Variants in SLC39A11 observed in about 807,000 individuals in gnomAD.
SLC39A11 encodes zinc transporter ZIP11.
In SLC39A11, 33 loss-of-function variants were observed where a neutral mutation model predicts 36.1. The ratio of observed to expected loss-of-function variants is 0.91; its 90% CI spans 0.69 to 1.22. SLC39A11 has a LOEUF of 1.22. SLC39A11 is among the 50% of genes most tolerant of loss of function. The pLI, the probability that SLC39A11 is intolerant of heterozygous loss-of-function variation, is 0.00. For missense variants in SLC39A11, 432 were observed against 430.3 expected, an observed-to-expected ratio of 1.00 and a Z score of -0.03; for synonymous variants, 166 against 170.3, an observed-to-expected ratio of 0.97 and a Z score of 0.20.
intron 5 of SLC39A11, among the ~76,000 whole-genome samples, chr17:72,875,332 A>T (rs1300607211): frequency 6.6e-6 from 1 of 152,204 alleles, no homozygotes; most frequent in Non-Finnish European, 1.5e-5. Context: ...AGCATTTTTC[A>T]TGTCCCCAAG....
intron 4 of SLC39A11, among the ~76,000 whole-genome samples, chr17:72,988,065 T>C (rs946451501): frequency 3.3e-5 from 5 of 152,212 alleles, no homozygotes; most frequent in African/African-American, 9.6e-5. Flanking sequence ...AGCCATGCAG[T>C]GTGAAATAAG....
intron 5 of SLC39A11, among the ~76,000 whole-genome samples, chr17:72,894,178 A>G (rs1447828170): frequency 6.6e-6 from 1 of 151,898 alleles, no homozygotes; most frequent in Admixed American, 6.6e-5. Flanking sequence ...CCTGACCAAC[A>G]TGGTGAAACC....
At chr17:72,661,939 G>A (rs551733584) in intron 7 of SLC39A11, among the ~76,000 whole-genome samples, 22 of 152,220 alleles carry the variant, frequency 1.4e-4, no homozygotes, top group African/African-American at 4.3e-4. Context: ...TAGACAAACC[G>A]CCCACATTTC....
chr17:72,934,597 C>T (rs1033729303), intron 5 of SLC39A11, among the ~76,000 whole-genome samples: 3 of 152,068 alleles, frequency 2.0e-5, no homozygotes, highest in African/African-American at 4.8e-5. Context: ...ACCTGGGACG[C>T]GGAGGTTGCT....
At chr17:73,066,849 C>A (rs186421057) in intron 3 of SLC39A11, among the ~76,000 whole-genome samples, 9 of 152,370 alleles carry the variant, frequency 5.9e-5, no homozygotes, top group African/African-American at 2.2e-4. Context: ...TAGACCAATA[C>A]ATTTTATTTC....
At chr17:72,774,054 G>C (rs1344961606) in intron 6 of SLC39A11, among the ~76,000 whole-genome samples, 2 of 152,166 alleles carry the variant, frequency 1.3e-5, no homozygotes, top group African/African-American at 4.8e-5. Context: ...CCAATTAACT[G>C]CCCTGGGCCT....
intron 4 of SLC39A11, among the ~76,000 whole-genome samples, chr17:72,966,172 C>G (rs1419094639): frequency 1.3e-5 from 2 of 152,188 alleles, no homozygotes; most frequent in Non-Finnish European, 2.9e-5. Context: ...GGCTGGCACC[C>G]CTGCTGGCCT....
intron 3 of SLC39A11, among the ~76,000 whole-genome samples, chr17:73,071,985 A>G (rs943882545): frequency 2.6e-5 from 4 of 152,202 alleles, no homozygotes; most frequent in Non-Finnish European, 2.9e-5. Flanking sequence ...AGAACGAATG[A>G]ATAAAAAATG....
intron 3 of SLC39A11, among the ~76,000 whole-genome samples, chr17:73,056,645 C>A (rs1437273373): frequency 6.6e-6 from 1 of 152,136 alleles, no homozygotes; most frequent in Non-Finnish European, 1.5e-5. Flanking sequence ...GCCTCAGGTG[C>A]CTGCCTGGGT....
chr17:72,899,818 C>T (rs112184545), intron 5 of SLC39A11, among the ~76,000 whole-genome samples: 5,052 of 151,922 alleles, frequency 0.033, 286 homozygotes, highest in African/African-American at 0.12. Flanking sequence ...AAAAGTTAGC[C>T]GGGCGTGGGG....
chr17:72,988,684 T>C (rs915708866), intron 4 of SLC39A11, among the ~76,000 whole-genome samples: 2 of 152,104 alleles, frequency 1.3e-5, no homozygotes, highest in African/African-American at 4.8e-5. Context: ...TTTCTATGAA[T>C]TGTGTTACTT....
intron 7 of SLC39A11, among the ~76,000 whole-genome samples, chr17:72,692,320 C>T (rs2072072546): frequency 1.3e-5 from 2 of 152,298 alleles, no homozygotes; most frequent in South Asian, 4.1e-4. Flanking sequence ...CAAAATAGCG[C>T]ATTTTTATTA....
intron 2 of SLC39A11, among the ~76,000 whole-genome samples, chr17:73,087,288 C>T (rs946540987): frequency 6.6e-6 from 1 of 152,068 alleles, no homozygotes; most frequent in South Asian, 2.1e-4. Flanking sequence ...GGCAGTGCAG[C>T]GCAGCAAGGG....
intron 5 of SLC39A11, among the ~76,000 whole-genome samples, chr17:72,908,121 C>G (rs1302309178): frequency 6.6e-6 from 1 of 152,212 alleles, no homozygotes; most frequent in Non-Finnish European, 1.5e-5. Flanking sequence ...AGGCTATGTT[C>G]TGGCATCCAG....
intron 7 of SLC39A11, among the ~76,000 whole-genome samples, chr17:72,681,866 G>C (rs559039202): frequency 6.6e-6 from 1 of 152,056 alleles, no homozygotes. Flanking sequence ...TTTATTGTAA[G>C]AATACAGTAT....
At chr17:72,715,063 C>T (rs139937559) in intron 7 of SLC39A11, among the ~76,000 whole-genome samples, 183 of 152,238 alleles carry the variant, frequency 1.2e-3, no homozygotes, top group African/African-American at 4.0e-3. Flanking sequence ...CACGGGTGTG[C>T]GACCAGTGCA....
chr17:72,713,771 C>T lies in SLC39A11; in HGVS notation c.671+22879G>A, dbSNP rs562063234. Among the ~76,000 whole-genome samples the T allele has an allele frequency of 5.3e-5, 8 of 152,328 alleles. No homozygotes were observed. The South Asian group carries it at 1.7e-3, about 32-fold the overall frequency. ...CTTCCATCACCTCCCTGCCATCCCT[C>T]ATCTGAGGGTGATAATAACAGCTAT... On this transcript the variant is annotated intron_variant, in intron 7 of 9. Transcript: ENST00000255559.
At chr17:72,708,927 C>A (rs1382958511) in intron 7 of SLC39A11, among the ~76,000 whole-genome samples, 5 of 149,304 alleles carry the variant, frequency 3.3e-5, no homozygotes, top group African/African-American at 1.3e-4. Context: ...CTAGGCAAAG[C>A]CTTTTTTCTT....
At chr17:72,788,565 G>C (rs2076594360) in intron 6 of SLC39A11, among the ~76,000 whole-genome samples, 1 of 152,194 alleles carries the variant, frequency 6.6e-6, no homozygotes, top group African/African-American at 2.4e-5. Context: ...CCACCTTTTG[G>C]TTAGGCATGA....
Sources: allele counts gnomAD v4.1 joint callset (sites outside exome capture counted in the v4.1 genomes callset), GRCh38; gene constraint gnomAD v4.1.1; transcripts MANE v1.5; gene names NCBI Gene and HGNC (gene_info 2026-07-23, HGNC 2026-07-21).